The following CSMD1 variants were observed in gnomAD, a reference collection of about 807,000 sequenced individuals.
CSMD1 encodes the protein CUB and Sushi multiple domains 1, also known as CUB and sushi domain-containing protein 1.
In CSMD1, 213 loss-of-function variants were observed where a neutral mutation model predicts 417.5. That is an observed-to-expected ratio of 0.51 (90% CI 0.46 to 0.57). The LOEUF is 0.57. Ranked by LOEUF, CSMD1 falls within the 20% of genes least tolerant of loss-of-function variation. CSMD1 has a pLI of 0.00. For synonymous variants in CSMD1, 2,862 were observed against 1,736.8 expected (o/e 1.65, Z -16.11); for missense variants, 6,923 against 4,529.7 (o/e 1.53, Z -15.17).
intron 5 of CSMD1, among the ~76,000 whole-genome samples, chr8:3,774,968 C>G (rs915418692): frequency 1.3e-5 from 2 of 152,048 alleles, no homozygotes; most frequent in South Asian, 2.1e-4. Context: ...ATATACACAG[C>G]AATGCACTGG....
At chr8:4,965,129 A>G (rs1318508600) in intron 1 of CSMD1, among the ~76,000 whole-genome samples, 1 of 152,206 alleles carries the variant, frequency 6.6e-6, no homozygotes, top group Admixed American at 6.5e-5. Flanking sequence ...ATCTGTTCTG[A>G]AGATACAAGC....
At chr8:4,199,627 G>C (rs889562881) in intron 3 of CSMD1, among the ~76,000 whole-genome samples, 1 of 152,076 alleles carries the variant, frequency 6.6e-6, no homozygotes, top group Non-Finnish European at 1.5e-5. Context: ...ATTTTGCTTT[G>C]CATAAATAAA....
intron 1 of CSMD1, among the ~76,000 whole-genome samples, chr8:4,802,057 T>C (rs1184071679): frequency 6.6e-6 from 1 of 152,224 alleles, no homozygotes; most frequent in East Asian, 1.9e-4. Context: ...GACGTAGCTA[T>C]ATAGCCTAGT....
intron 14 of CSMD1, 86 bp from the exon 15 acceptor site, chr8:3,406,307 T>G: frequency 2.8e-6 from 3 of 1,059,006 alleles, no homozygotes; most frequent in Non-Finnish European, 4.0e-6. Context: ...AGAACAAGCT[T>G]ATAAAGCATT....
intron 5 of CSMD1, among the ~76,000 whole-genome samples, chr8:3,897,883 C>G (rs982404348): frequency 1.3e-5 from 2 of 152,098 alleles, no homozygotes; most frequent in Admixed American, 1.3e-4. Flanking sequence ...GAATCTTGGC[C>G]ACAGAACAAG....
chr8:3,592,012 G>C (rs1034275279), intron 8 of CSMD1, among the ~76,000 whole-genome samples: 1 of 151,956 alleles, frequency 6.6e-6, no homozygotes, highest in Admixed American at 6.6e-5. Context: ...ATAGATGATA[G>C]GTAGATAGAT....
At chr8:3,697,883 G>A (rs925476470) in intron 7 of CSMD1, among the ~76,000 whole-genome samples, 3 of 151,948 alleles carry the variant, frequency 2.0e-5, no homozygotes, top group Non-Finnish European at 4.4e-5. Context: ...GTGCTCTCTA[G>A]CCATTACGCA....
At chr8:4,051,488 T>C (rs1585209713) in intron 3 of CSMD1, among the ~76,000 whole-genome samples, 2 of 152,292 alleles carry the variant, frequency 1.3e-5, no homozygotes, top group East Asian at 1.9e-4. Context: ...TGCACCATTG[T>C]TGTTATTCTG....
At chr8:3,028,980 C>T (rs1182514707) in intron 51 of CSMD1, among the ~76,000 whole-genome samples, 2 of 152,160 alleles carry the variant, frequency 1.3e-5, no homozygotes, top group African/African-American at 4.8e-5. Flanking sequence ...TTCCCAAGAT[C>T]CCAATTAGAA....
In CSMD1 at chr8:2,936,464, ATCT is replaced by A. The variant is rs1268766377; in HGVS notation, c.*2118_*2120del. On this transcript the variant is annotated 3_prime_UTR_variant, in exon 70 of 70. Coordinates refer to ENST00000635120, the MANE Select transcript of CSMD1 (RefSeq NM_033225.6). ...CACGAGCCTCCTCACACTTTCAATC[ATCT>A]TCTGTTTCGTTCAATGTGTGTGTTA... 6.6e-6 allele frequency: 1 copy of A among 151,260 alleles called. No homozygotes were observed. Among genetic ancestry groups the A allele is most frequent in the Non-Finnish European group, 1.5e-5 (1 of 67,864 alleles). The allele number at this position is 151,260 out of a possible 1,614,324, so 9.4% of individuals were successfully genotyped here.
chr8:4,338,361 C>G (rs998920178), intron 3 of CSMD1, among the ~76,000 whole-genome samples: 1 of 152,016 alleles, frequency 6.6e-6, no homozygotes, highest in African/African-American at 2.4e-5. Context: ...AGGAAACATA[C>G]AAAAATATCT....
At chr8:3,165,069 G>C (rs1296236483) in intron 37 of CSMD1, among the ~76,000 whole-genome samples, 2 of 151,778 alleles carry the variant, frequency 1.3e-5, no homozygotes, top group Non-Finnish European at 2.9e-5. Flanking sequence ...ATTTTGACCG[G>C]TGTTTAACAT....
intron 3 of CSMD1, among the ~76,000 whole-genome samples, chr8:4,051,992 C>G (rs1229139413): frequency 6.6e-6 from 1 of 151,696 alleles, no homozygotes; most frequent in Non-Finnish European, 1.5e-5. Flanking sequence ...ACAGTGTTAT[C>G]TCGGCTCACT....
At chr8:4,077,306 T>TATATGTACATATATATATATATGTAC (rs1554439900) in intron 3 of CSMD1, among the ~76,000 whole-genome samples, 2 of 138,578 alleles carry the variant, frequency 1.4e-5, no homozygotes, top group African/African-American at 5.4e-5. Flanking sequence ...TGTATATATA[T>TATATGTACATATATATATATATGTAC]ATATATATAT....
chr8:3,145,343 T>A (rs945115690), intron 40 of CSMD1, among the ~76,000 whole-genome samples: 1 of 152,190 alleles, frequency 6.6e-6, no homozygotes, highest in East Asian at 1.9e-4. Context: ...GATGCGCATA[T>A]GCAGACTTCA....
At chr8:3,970,304 A>G (rs924125432) in intron 5 of CSMD1, among the ~76,000 whole-genome samples, 3 of 152,148 alleles carry the variant, frequency 2.0e-5, no homozygotes, top group Non-Finnish European at 4.4e-5. Context: ...CTAAGAGTAG[A>G]GGCACGGTGA....
chr8:3,324,065 CA>C (rs1304470958), intron 23 of CSMD1, among the ~76,000 whole-genome samples: 5 of 144,050 alleles, frequency 3.5e-5, no homozygotes, highest in African/African-American at 5.1e-5. Flanking sequence ...TTAAAATAGA[CA>C]CACACCCAAC....
At chr8:3,457,391 C>T (rs543657019) in intron 12 of CSMD1, among the ~76,000 whole-genome samples, 37 of 152,310 alleles carry the variant, frequency 2.4e-4, no homozygotes, top group African/African-American at 8.2e-4. Flanking sequence ...TCTCAGATGG[C>T]ACAAACTTTC....
At chr8:3,432,332 AGT>A (rs1311678831) in intron 12 of CSMD1, among the ~76,000 whole-genome samples, 4 of 152,138 alleles carry the variant, frequency 2.6e-5, no homozygotes, top group Non-Finnish European at 5.9e-5. Context: ...AATCATTTAA[AGT>A]GTTTACTCCT....
Sources: gnomAD v4.1 joint callset for allele counts (sites outside exome capture counted in the v4.1 genomes callset) on GRCh38, gnomAD v4.1.1 for gene constraint, MANE v1.5 for transcripts, NCBI Gene and HGNC (gene_info 2026-07-23, HGNC 2026-07-21) for gene names.